Variants in SMARCD1 observed in about 807,000 individuals in gnomAD.
SMARCD1 encodes SWI/SNF related BAF chromatin remodeling complex subunit D1.
Under a neutral mutation model 70.8 loss-of-function variants are expected in SMARCD1, and 16 were observed. That is an observed-to-expected ratio of 0.23 (90% CI 0.15 to 0.34). The LOEUF is 0.34. SMARCD1 is among the 10% of genes least tolerant of loss of function. The pLI, the probability that SMARCD1 is intolerant of heterozygous loss-of-function variation, is 1.00. For missense variants in SMARCD1, 409 were observed against 655.5 expected (o/e 0.62, Z 4.11); for synonymous variants, 249 against 246.0 (o/e 1.01, Z -0.11).
chr12:50,087,118 G>A (rs768831078), intron 4 of SMARCD1, among the ~76,000 whole-genome samples: 1 of 152,166 alleles, frequency 6.6e-6, no homozygotes, highest in Non-Finnish European at 1.5e-5. Context: ...CGCTGTAACT[G>A]CTCTGCTACC....
rs544934793 is a variant in SMARCD1 at position 50,094,325 on chromosome 12, G to A, written c.1134-112G>A. On this transcript the variant is annotated intron_variant, in intron 9 of 12. Coordinates refer to ENST00000394963, the MANE Select transcript of SMARCD1 (RefSeq NM_003076.5). ...TTCTGTCACACCCGAAAGTTCTCGG[G>A]CCCTTTTACAGTTAGCCCCTTTTCT... 33 of 1,034,694 alleles carry A rather than the reference G, an allele frequency of 3.2e-5. 1 individual carries two copies. In the South Asian group the frequency reaches 5.6e-4, roughly 17 times the overall value. The allele number at this position is 1,034,694 out of a possible 1,614,324, so 64.1% of individuals were successfully genotyped here. A position where few individuals can be genotyped will look rare whatever the true frequency, so the allele number is the denominator to read the frequency against.
At chr12:50,095,855 G>T (rs967308261) in intron 10 of SMARCD1, among the ~76,000 whole-genome samples, 2 of 152,186 alleles carry the variant, frequency 1.3e-5, no homozygotes, top group Admixed American at 1.3e-4. Flanking sequence ...GCTAGATAGG[G>T]AGCCAGATGC....
At chr12:50,091,689 TC>T (rs1392877622) in intron 9 of SMARCD1, among the ~76,000 whole-genome samples, 1 of 150,582 alleles carries the variant, frequency 6.6e-6, no homozygotes, top group Non-Finnish European at 1.5e-5. Context: ...CAATTCTCCC[TC>T]CCCAGCCTCC....
rs1319486448 is a variant in SMARCD1, at chr12:50,090,265, C to A, written c.898C>A (p.Arg300Ser). ...GCCTCCCCAGTTTAAATTAGACCCCCGCCTAGCTCGACTCCTGGGCATCCA... is the reference window on the plus strand; with the variant it reads ...GCCTCCCCAGTTTAAATTAGACCCCAGCCTAGCTCGACTCCTGGGCATCCA... ...YQPPQFKLDPRLARLLGIHTQ... is the reference protein window; with the variant it reads ...YQPPQFKLDPSLARLLGIHTQ... The change falls in exon 8 of 13, where the codon CGC (arginine) becomes AGC (serine). Residue 300 changes from arginine to serine, a missense_variant. By Grantham distance (110) the Arg-to-Ser change is moderately radical. Coordinates refer to ENST00000394963, the MANE Select transcript of SMARCD1 (RefSeq NM_003076.5). 6.2e-7 allele frequency: 1 copy of A among 1,613,540 alleles called. No individual in the cohort carries two copies. Among genetic ancestry groups the A allele is most frequent in the Admixed American group, 1.7e-5 (1 of 59,924 alleles).
chr12:50,090,046 C>A, intron 7 of SMARCD1, 61 bp downstream of exon 7: 1 of 1,447,704 alleles, frequency 6.9e-7, no homozygotes, highest in Non-Finnish European at 9.7e-7. Context: ...AGCAGTCTCA[C>A]TTTAAAGAGT....
chr12:50,099,638 A>G lies in SMARCD1; in HGVS notation c.*638A>G, dbSNP rs1288278904. On this transcript the variant is annotated 3_prime_UTR_variant, in exon 13 of 13. Transcript: ENST00000394963. ...CTCCTTAGTTGGGGTCCACATCAGT[A>G]TTGGAGTTTTGTTCTTTATTGCTCC... is the stretch of plus-strand genomic sequence containing the variant. The G allele has an allele frequency of 3.9e-5, 11 of 283,516 alleles. No individual in the cohort carries two copies. The highest frequency in any genetic ancestry group is 7.2e-5 in the Non-Finnish European group (11 of 153,106). The allele number at this position is 283,516 out of a possible 1,614,324, so 17.6% of individuals were successfully genotyped here. A position where few individuals can be genotyped will look rare whatever the true frequency, so the allele number is the denominator to read the frequency against.
rs202011906 is a variant in SMARCD1, at chr12:50,090,394, C to A, written c.1027C>A (p.Leu343Met). ...EREFVICDKY[L>M]QQIFESQRMK... is the part of the protein sequence containing the mutation. ...GGAGTTTGTCATCTGTGACAAGTACCTGCAGCAGGTAAGTAATGGACCCAT... is the reference window on the plus strand; with the variant it reads ...GGAGTTTGTCATCTGTGACAAGTACATGCAGCAGGTAAGTAATGGACCCAT... The change falls in exon 8 of 13, where the codon CTG becomes ATG. Residue 343 changes from leucine to methionine, a missense_variant. Transcript: ENST00000394963. 2.5e-6 allele frequency: 4 copies of A among 1,614,002 alleles called. No individual in the cohort carries two copies. The East Asian group carries it at 8.9e-5, about 36-fold the overall frequency.
intron 10 of SMARCD1, among the ~76,000 whole-genome samples, chr12:50,094,849 G>A (rs1272698823): frequency 6.6e-6 from 1 of 152,192 alleles, no homozygotes; most frequent in Non-Finnish European, 1.5e-5. Flanking sequence ...CCAGGCTGGA[G>A]TGCAGTGGTG....
chr12:50,092,436 A>G (rs1950854059), intron 9 of SMARCD1, among the ~76,000 whole-genome samples: 1 of 149,286 alleles, frequency 6.7e-6, no homozygotes, highest in South Asian at 2.1e-4. Flanking sequence ...GTTGGCCAGG[A>G]TGGTCTCGAT....
chr12:50,088,198 C>T (rs1394594268), intron 5 of SMARCD1: 7 of 694,264 alleles, frequency 1.0e-5, no homozygotes, highest in African/African-American at 1.8e-5. Context: ...ATTCATTTCC[C>T]CTCTAGAGTC....
At chr12:50,089,017 G>C (rs967115460) in intron 6 of SMARCD1, 1 of 155,644 alleles carries the variant, frequency 6.4e-6, no homozygotes, top group Non-Finnish European at 1.4e-5. Flanking sequence ...TTGACTGATA[G>C]GGTACTAGTA....
In SMARCD1 at chr12:50,098,960, G is replaced by A; in HGVS notation, c.1508G>A (p.Arg503Gln). 1 of 1,614,120 alleles carries A rather than the reference G, an allele frequency of 6.2e-7. No homozygotes were observed. Among genetic ancestry groups the A allele is most frequent in the Non-Finnish European group, 8.5e-7 (1 of 1,180,002 alleles). ...RYFYSKVQQR[R>Q]QELEQALGIR... ...TTTTCTCCTTAGGTGCAGCAGAGAC[G>A]ACAAGAATTAGAGCAAGCCCTGGGA... Residue 503 changes from arginine (R) to glutamine (Q), a missense_variant, in exon 13 of 13, where the codon CGA (arginine) becomes CAA (glutamine). Around this residue, in one of 2 missense-constraint regions of SMARCD1, gnomAD observed 269 missense variants for 498.6 expected, o/e 0.54. Coordinates refer to ENST00000394963, the MANE Select transcript of SMARCD1 (RefSeq NM_003076.5).
In SMARCD1 at chr12:50,099,991, CG is replaced by C. The variant is rs1282395504; in HGVS notation, c.*992del. On this transcript the variant is annotated 3_prime_UTR_variant, in exon 13 of 13. Transcript: ENST00000394963. Reference sequence around the variant, plus strand: ...CTTCTAGGGCACTGAGGAGTGAAAGCGCCTAGGGCTGGAGAATAGCGCTGAG... The same window carrying C: ...CTTCTAGGGCACTGAGGAGTGAAAGCCCTAGGGCTGGAGAATAGCGCTGAG... 6.6e-6 allele frequency: 1 copy of C among 152,662 alleles called. No homozygotes were observed. The highest frequency in any genetic ancestry group is 6.5e-5 in the Admixed American group (1 of 15,284). The allele number at this position is 152,662 out of a possible 1,614,324, so 9.5% of individuals were successfully genotyped here. A position where few individuals can be genotyped will look rare whatever the true frequency, so the allele number is the denominator to read the frequency against.
Position 50,090,245 on chromosome 12 carries a change from C to T in SMARCD1, c.878C>T (p.Pro293Leu). The T allele has an allele frequency of 6.2e-7, 1 of 1,611,096 alleles. No homozygotes were observed. Among genetic ancestry groups the T allele is most frequent in the Non-Finnish European group, 8.5e-7 (1 of 1,178,684 alleles). ...CTATACTTTGGTTCCCTGCAGCCTC[C>T]CCAGTTTAAATTAGACCCCCGCCTA... is the stretch of plus-strand genomic sequence containing the variant. ...TVLLMLDYQPPQFKLDPRLAR... is the reference protein window; with the variant it reads ...TVLLMLDYQPLQFKLDPRLAR... Residue 293 changes from proline to leucine, a missense_variant, in exon 8 of 13, where the codon CCC (proline) becomes CTC (leucine). This residue lies in a region of SMARCD1 where 269 missense variants were observed against 498.6 expected (regional missense o/e 0.54). Coordinates refer to ENST00000394963, the MANE Select transcript of SMARCD1 (RefSeq NM_003076.5).
Position 50,086,143 on chromosome 12 carries a change from G to C in SMARCD1, c.178-18G>C. The C allele has an allele frequency of 2.7e-6, 4 of 1,475,060 alleles. No homozygotes were observed. The highest frequency in any genetic ancestry group is 3.6e-6 in the Non-Finnish European group (4 of 1,105,478). The allele number at this position is 1,475,060 out of a possible 1,614,324, so 91.4% of individuals were successfully genotyped here. A position where few individuals can be genotyped will look rare whatever the true frequency, so the allele number is the denominator to read the frequency against. On this transcript the variant is annotated intron_variant, in intron 1 of 12. Coordinates refer to ENST00000394963, the MANE Select transcript of SMARCD1 (RefSeq NM_003076.5). ...GCAGGTGAAACCATGACATCTCTGG[G>C]TCCTCTCCCCTCTGTAGAGACCAGG...
Position 50,098,730 on chromosome 12 carries a change from T to G in SMARCD1, c.1409T>G (p.Val470Gly). The change falls in exon 12 of 13, where the codon GTG becomes GGG. Residue 470 changes from valine (V) to glycine (G), a missense_variant. Transcript: ENST00000394963. The stretch of plus-strand genomic sequence containing the variant: ...TTCCCTCAGACAATGACTGATGTGG[T>G]GGGTAACCCAGAGGAGGAGCGCCGA... ...CRDLKTMTDVVGNPEEERRAE... is the reference protein window; with the variant it reads ...CRDLKTMTDVGGNPEEERRAE... 1 of 1,613,928 alleles carries G rather than the reference T, an allele frequency of 6.2e-7. No homozygotes were observed. Among genetic ancestry groups the G allele is most frequent in the Non-Finnish European group, 8.5e-7 (1 of 1,179,814 alleles).
intron 6 of SMARCD1, chr12:50,089,439 G>A (rs1270047249): frequency 1.9e-5 from 3 of 157,964 alleles, no homozygotes; most frequent in African/African-American, 7.2e-5. Context: ...GCCACTTACT[G>A]GCTGTTTGAC....
intron 9 of SMARCD1, among the ~76,000 whole-genome samples, 177 bp downstream of exon 9, chr12:50,090,767 A>C (rs2137885210): frequency 6.6e-6 from 1 of 152,074 alleles, no homozygotes; most frequent in Admixed American, 6.5e-5. Flanking sequence ...AAAAGTGGGT[A>C]ACATATATTC....
Position 50,086,270 on chromosome 12 carries a change from T to C in SMARCD1, c.287T>C (p.Met96Thr). 6.2e-7 allele frequency: 1 copy of C among 1,613,606 alleles called. No homozygotes were observed. Among genetic ancestry groups the C allele is most frequent in the Non-Finnish European group, 8.5e-7 (1 of 1,179,744 alleles). Reference protein sequence around the residue: ...SVRPGLAQSGMDQSRKRPAPQ... With the variant: ...SVRPGLAQSGTDQSRKRPAPQ... ...CGACCTGGCCTGGCCCAGTCAGGGA[T>C]GGATCAGTCCCGCAAGAGACCTGCC... Residue 96 changes from methionine (M) to threonine (T), a missense_variant, in exon 2 of 13, where the codon ATG becomes ACG. Coordinates refer to ENST00000394963, the MANE Select transcript of SMARCD1 (RefSeq NM_003076.5).
Sources: gnomAD v4.1 joint callset for allele counts (sites outside exome capture counted in the v4.1 genomes callset) on GRCh38, gnomAD v4.1.1 for gene constraint, gnomAD v4.1.1 regional missense constraint, MANE v1.5 for transcripts, NCBI Gene and HGNC (gene_info 2026-07-23, HGNC 2026-07-21) for gene names.